DPY19L1: variants seen among roughly 807,000 people sequenced by gnomAD.
The protein encoded by DPY19L1 is protein C-mannosyl-transferase DPY19L1.
In DPY19L1, 35 loss-of-function variants were observed where a neutral mutation model predicts 96.9. That is an observed-to-expected ratio of 0.36 (90% confidence interval 0.28 to 0.48). The LOEUF is 0.48. Among genes scored for constraint, DPY19L1 ranks in the 20% least tolerant of loss-of-function variants. DPY19L1 has a pLI of 0.99. For missense variants in DPY19L1, 521 were observed against 777.9 expected (o/e 0.67, Z 3.93); for synonymous variants, 205 against 252.6 (o/e 0.81, Z 1.79).
intron 1 of DPY19L1, among the ~76,000 whole-genome samples, chr7:35,021,960 T>C (rs957993144): frequency 2.0e-5 from 3 of 152,196 alleles, no homozygotes; most frequent in Admixed American, 1.3e-4. Context: ...ATTACACATA[T>C]GTATGTCACT....
chr7:35,013,957 C>T lies in DPY19L1; in HGVS notation c.412-252G>A, dbSNP rs150882082. ...AAGTTTCAGCATTTAAAAAATAATA[C>T]GACTCAGCATACTTCAACTTAGAAA... On this transcript the variant is annotated intron_variant, in intron 3 of 21. Transcript: ENST00000638088. 5.7e-4 allele frequency among the ~76,000 whole-genome samples: 87 copies of T among 152,154 alleles called. 1 individual carries two copies. The East Asian group carries it at 0.013, about 23-fold the overall frequency.
intron 6 of DPY19L1, among the ~76,000 whole-genome samples, chr7:35,009,380 G>A (rs1785645858): frequency 6.6e-6 from 1 of 151,984 alleles, no homozygotes; most frequent in Admixed American, 6.5e-5. Flanking sequence ...ATAATCTCAA[G>A]GTAAAATACT....
intron 6 of DPY19L1, among the ~76,000 whole-genome samples, chr7:35,010,073 C>CA (rs1296511446): frequency 6.6e-6 from 1 of 151,818 alleles, no homozygotes; most frequent in Non-Finnish European, 1.5e-5. Context: ...ACAAAAAATA[C>CA]AAAAAAATTA....
chr7:34,956,287 A>G (rs1784376778), intron 11 of DPY19L1, among the ~76,000 whole-genome samples: 1 of 151,860 alleles, frequency 6.6e-6, no homozygotes, highest in Admixed American at 6.6e-5. Context: ...ACATATGTAA[A>G]ATATACAACT....
intron 3 of DPY19L1, among the ~76,000 whole-genome samples, chr7:35,014,843 T>G (rs1214881570): frequency 6.6e-6 from 1 of 152,046 alleles, no homozygotes; most frequent in African/African-American, 2.4e-5. Flanking sequence ...TGTACCTACA[T>G]AAAGAGGAAT....
intron 7 of DPY19L1, among the ~76,000 whole-genome samples, chr7:34,975,516 A>G (rs2128669047): frequency 6.6e-6 from 1 of 152,350 alleles, no homozygotes; most frequent in East Asian, 1.9e-4. Context: ...AGTACAAGGT[A>G]CAACAGCAAT....
chr7:34,989,286 T>C (rs1389313821), intron 7 of DPY19L1, among the ~76,000 whole-genome samples: 1 of 152,190 alleles, frequency 6.6e-6, no homozygotes, highest in Admixed American at 6.5e-5. Context: ...TATAACTAAA[T>C]TGTTAGCTTT....
rs559225502 is a variant in DPY19L1 at position 34,998,036 on chromosome 7, G to A, written c.765-8095C>T. 5.3e-5 allele frequency among the ~76,000 whole-genome samples: 8 copies of A among 152,244 alleles called. No individual in the cohort carries two copies. The East Asian group carries it at 1.5e-3, about 29-fold the overall frequency. On this transcript the variant is annotated intron_variant, in intron 6 of 21. Coordinates refer to ENST00000638088, the MANE Select transcript of DPY19L1 (RefSeq NM_001366673.1). ...TACAGACTAATCATCCAGGCCCTCA[G>A]GGCTTCTGGAACATATCTAGAAATA...
At chr7:35,022,711 G>A (rs1584261199) in intron 1 of DPY19L1, among the ~76,000 whole-genome samples, 1 of 152,304 alleles carries the variant, frequency 6.6e-6, no homozygotes, top group East Asian at 1.9e-4. Context: ...TAATTAAGGG[G>A]AGGAATGAAA....
Position 34,929,034 on chromosome 7 carries a change from A to G in DPY19L1, c.*2539T>C, listed in dbSNP as rs1164676529. Reference sequence around the variant, plus strand: ...AATATCACTGGCCTATTTTAACACTATATTTTTTTTGCCAAGCATTTTTAG... The same window carrying G: ...AATATCACTGGCCTATTTTAACACTGTATTTTTTTTGCCAAGCATTTTTAG... On this transcript the variant is annotated 3_prime_UTR_variant, in exon 22 of 22. Coordinates refer to ENST00000638088, the MANE Select transcript of DPY19L1 (RefSeq NM_001366673.1). 2.0e-5 allele frequency: 3 copies of G among 152,282 alleles called. No homozygotes were observed. The East Asian group carries it at 5.8e-4, about 29-fold the overall frequency. 9.4% of individuals were successfully genotyped at this position (152,282 alleles called of 1,614,324 possible).
Position 34,984,512 on chromosome 7 carries a change from C to A in DPY19L1, c.822+5372G>T, listed in dbSNP as rs144365069. ...GAAATCCAGCTGGGCAAGGTCATAA[C>A]AGATGTTGTAGGCTACTTTTCTATT... On this transcript the variant is annotated intron_variant, in intron 7 of 21. Coordinates refer to ENST00000638088, the MANE Select transcript of DPY19L1 (RefSeq NM_001366673.1). Among the ~76,000 whole-genome samples the A allele has an allele frequency of 9.4e-3, 1,429 of 152,312 alleles. 10 individuals carry two copies. Among genetic ancestry groups the A allele is most frequent in the Non-Finnish European group, 0.014 (926 of 68,020 alleles).
At chr7:35,005,490 A>G (rs1266988192) in intron 6 of DPY19L1, among the ~76,000 whole-genome samples, 1 of 151,548 alleles carries the variant, frequency 6.6e-6, no homozygotes, top group Non-Finnish European at 1.5e-5. Flanking sequence ...AGGGGACCCA[A>G]GGGAAGTCCA....
At chr7:34,963,193 C>CAAAA (rs58387078) in intron 10 of DPY19L1, among the ~76,000 whole-genome samples, 5 of 78,792 alleles carry the variant, frequency 6.3e-5, no homozygotes, top group African/African-American at 1.6e-4. Context: ...AGATCTGTCT[C>CAAAA]AAAAAAAAAA....
At chr7:35,036,626 C>T (rs114916270) in intron 1 of DPY19L1, among the ~76,000 whole-genome samples, 8,795 of 152,062 alleles carry the variant, frequency 0.058, 873 homozygotes, top group African/African-American at 0.2. Context: ...AAAAAGTACG[C>T]TAAAATTTAA....
At chr7:35,006,209 T>C (rs1467605922) in intron 6 of DPY19L1, among the ~76,000 whole-genome samples, 1 of 152,212 alleles carries the variant, frequency 6.6e-6, no homozygotes, top group African/African-American at 2.4e-5. Context: ...AGAGAACTGT[T>C]AAACATATAC....
chr7:34,972,756 A>G (rs1230211220), intron 8 of DPY19L1, among the ~76,000 whole-genome samples: 2 of 152,206 alleles, frequency 1.3e-5, no homozygotes, highest in African/African-American at 4.8e-5. Context: ...AGAGGAGTTT[A>G]GGGGACAGCA....
intron 6 of DPY19L1, among the ~76,000 whole-genome samples, chr7:35,002,857 C>T (rs1408099368): frequency 6.6e-6 from 1 of 152,198 alleles, no homozygotes; most frequent in Non-Finnish European, 1.5e-5. Context: ...CAAGCTCTGC[C>T]TCCTGGGTTC....
intron 4 of DPY19L1, among the ~76,000 whole-genome samples, chr7:35,012,738 TACATAG>T (rs199773118): frequency 0.26 from 39,669 of 151,600 alleles, 5,360 homozygotes; most frequent in Non-Finnish European, 0.31. Context: ...TAGAAAAAAA[TACATAG>T]ACATCATACA....
chr7:34,945,187 T>C (rs564990421), intron 16 of DPY19L1, among the ~76,000 whole-genome samples: 2 of 152,012 alleles, frequency 1.3e-5, no homozygotes, highest in Non-Finnish European at 2.9e-5. Context: ...AAGCATGCTA[T>C]AGGCCTCTCT....
Sources: gnomAD v4.1 joint callset for allele counts (sites outside exome capture counted in the v4.1 genomes callset) on GRCh38, gnomAD v4.1.1 for gene constraint, MANE v1.5 for transcripts, NCBI Gene and HGNC (gene_info 2026-07-23, HGNC 2026-07-21) for gene names.